The following PFN3 variants were observed in gnomAD, a reference collection of about 807,000 sequenced individuals.
PFN3 encodes profilin 3.
In PFN3, 7 loss-of-function variants were observed where a neutral mutation model predicts 6.2. The ratio of observed to expected loss-of-function variants is 1.13; its 90% confidence interval spans 0.64 to 2.13. PFN3 has a LOEUF of 2.13. PFN3 is among the 30% of genes most tolerant of loss of function. The pLI is 0.00. For synonymous variants in PFN3, 112 were observed against 97.7 expected (o/e 1.15, Z -0.87); for missense variants, 251 against 209.3 (o/e 1.20, Z -1.23).
At position 177,400,346 on chromosome 5, in the gene PFN3, G is replaced by T; in HGVS notation, c.231C>A (p.His77Gln). ...GGRRCCVIRD[H>Q]LLAEGDGVLD... ...GCACGCCGTCACCCTCGGCCAGCAG[G>T]TGGTCGCGGATGACGCAGCAGCGGC... The change falls in exon 1 of 1, where the codon CAC becomes CAA. Residue 77 changes from histidine to glutamine, a missense_variant. Physicochemically the swap from His to Gln is conservative, Grantham distance 24. Transcript: ENST00000358571. 6.5e-7 allele frequency: 1 copy of T among 1,536,228 alleles called. No homozygotes were observed. Among genetic ancestry groups the T allele is most frequent in the Non-Finnish European group, 8.8e-7 (1 of 1,142,594 alleles).
chr5:177,400,432 C>A lies in PFN3; in HGVS notation c.145G>T (p.Gly49Cys), dbSNP rs1341231225. 1 of 1,547,482 alleles carries A rather than the reference C, an allele frequency of 6.5e-7. No individual in the cohort carries two copies. Among genetic ancestry groups the A allele is most frequent in the Non-Finnish European group, 8.7e-7 (1 of 1,152,186 alleles). ...TGCCTGTCCGGCCCCGTGAGCACGC[C>A]CACCTCCTGCGGCGAGATGGCCGCC... is the stretch of plus-strand genomic sequence containing the variant. ...LLAAISPQEV[G>C]VLTGPDRHTF... Residue 49 changes from glycine to cysteine, a missense_variant, in exon 1 of 1, where the codon GGC (glycine) becomes TGC (cysteine). Physicochemically the swap from Gly to Cys is radical, Grantham distance 159. Coordinates refer to ENST00000358571, the MANE Select transcript of PFN3 (RefSeq NM_001029886.3).
Position 177,400,546 on chromosome 5 carries a change from C to T in PFN3, c.31G>A (p.Val11Met), listed in dbSNP as rs776316852. The change falls in exon 1 of 1, where the codon GTG (valine) becomes ATG (methionine). Residue 11 changes from valine (V) to methionine (M), a missense_variant. Physicochemically the swap from Val to Met is conservative, Grantham distance 21 (BLOSUM62 1). Coordinates refer to ENST00000358571, the MANE Select transcript of PFN3 (RefSeq NM_001029886.3). ...TCGTCGATGCGCTGGTCCCGCAGCA[C>T]TGCACTGATGTAGACCTTCCAGTCG... Reference protein sequence around the residue: MGDWKVYISAVLRDQRIDDVA... With the variant: MGDWKVYISAMLRDQRIDDVA... 1.3e-6 allele frequency: 2 copies of T among 1,597,432 alleles called. No homozygotes were observed. Among genetic ancestry groups the T allele is most frequent in the Non-Finnish European group, 1.7e-6 (2 of 1,179,278 alleles).
Position 177,400,285 on chromosome 5 carries a change from C to G in PFN3, c.292G>C (p.Val98Leu). Residue 98 changes from valine to leucine, a missense_variant, in exon 1 of 1, where the codon GTG becomes CTG. By Grantham distance (32) the Val-to-Leu change is conservative. Coordinates refer to ENST00000358571, the MANE Select transcript of PFN3 (RefSeq NM_001029886.3). ...GCGCGCGGCGCACGGCCCACGCACA[C>G]GGCGCGCGCGTCCAGCCCCTTGGTG... is the stretch of plus-strand genomic sequence containing the variant. ...ARTKGLDARA[V>L]CVGRAPRALL... 3 of 1,594,622 alleles carry G rather than the reference C, an allele frequency of 1.9e-6. No homozygotes were observed. Among genetic ancestry groups the G allele is most frequent in the Non-Finnish European group, 2.6e-6 (3 of 1,171,696 alleles).
rs1377866334 is a variant in PFN3, at chr5:177,400,262, GCGCGGCGCACGGCCCACGCA to G, written c.295_314del (p.Cys99ArgfsTer47). 3.1e-6 allele frequency: 5 copies of G among 1,608,654 alleles called. No homozygotes were observed. The highest frequency in any genetic ancestry group is 4.2e-6 in the Non-Finnish European group (5 of 1,178,106). Reference sequence around the variant, plus strand: ...GTCGGCCCATTAGCACCAGGAGCGCGCGCGGCGCACGGCCCACGCACACGGCGCGCGCGTCCAGCCCCTTG... The same window carrying G: ...GTCGGCCCATTAGCACCAGGAGCGCGCACGGCGCGCGCGTCCAGCCCCTTG... On this transcript the variant is annotated frameshift_variant, in exon 1 of 1. Transcript: ENST00000358571. LOFTEE classifies it high-confidence loss of function.
chr5:177,400,236 C>G lies in PFN3; in HGVS notation c.341G>C (p.Arg114Pro). 2 of 1,611,652 alleles carry G rather than the reference C, an allele frequency of 1.2e-6. No individual in the cohort carries two copies. Among genetic ancestry groups the G allele is most frequent in the Non-Finnish European group, 1.7e-6 (2 of 1,179,398 alleles). ...GTTGAGGATGCCCCCATGTACGCCGCGTCGGCCCATTAGCACCAGGAGCGC... is the reference window on the plus strand; with the variant it reads ...GTTGAGGATGCCCCCATGTACGCCGGGTCGGCCCATTAGCACCAGGAGCGC... The part of the protein sequence containing the change: ...PRALLVLMGR[R>P]GVHGGILNKT... Residue 114 changes from arginine to proline, a missense_variant, in exon 1 of 1, where the codon CGC (arginine) becomes CCC (proline). Transcript: ENST00000358571.
Sources: gnomAD v4.1 joint callset for allele counts on GRCh38, gnomAD v4.1.1 for gene constraint, MANE v1.5 for transcripts, NCBI Gene and HGNC (gene_info 2026-07-23, HGNC 2026-07-21) for gene names.